Variants in MED13L observed in about 807,000 individuals in gnomAD.
MED13L encodes the protein mediator of RNA polymerase II transcription subunit 13-like.
MED13L carries 7 observed loss-of-function variants against 220.9 expected under a neutral mutation model. The observed-to-expected ratio is 0.03, with a 90% CI of 0.02 to 0.06. The LOEUF is 0.06. MED13L is among the 10% of genes least tolerant of loss of function. MED13L has a pLI of 1.00. For missense variants in MED13L, 1,965 were observed against 2,760.5 expected (o/e 0.71, Z 6.46); for synonymous variants, 1,011 against 1,015.2 (o/e 1.00, Z 0.08).
At chr12:116,042,066 T>C (rs1420295848) in intron 4 of MED13L, among the ~76,000 whole-genome samples, 1 of 152,212 alleles carries the variant, frequency 6.6e-6, no homozygotes, top group Non-Finnish European at 1.5e-5. Flanking sequence ...GTTAGAATAG[T>C]AATTGCCCTC....
In MED13L at chr12:116,124,140, G is replaced by GAGAGAGAC. The variant is rs1555213734; in HGVS notation, c.311-12629_311-12628insGTCTCTCT. 2.7e-5 allele frequency among the ~76,000 whole-genome samples: 4 copies of GAGAGAGAC among 148,866 alleles called. 1 individual carries two copies. Among genetic ancestry groups the GAGAGAGAC allele is most frequent in the Non-Finnish European group, 5.9e-5 (4 of 67,338 alleles). On this transcript the variant is annotated intron_variant, in intron 2 of 30. Transcript: ENST00000281928. ...GAGAAAGACGAGAGAGAGAGAGAGA[G>GAGAGAGAC]AGAGAGAGAGACAGAGACAGAGAGA...
intron 1 of MED13L, among the ~76,000 whole-genome samples, chr12:116,262,415 TAACA>T (rs1237095028): frequency 6.6e-6 from 1 of 152,216 alleles, no homozygotes; most frequent in African/African-American, 2.4e-5. Context: ...AAATGGGTGT[TAACA>T]TATATAACTA....
chr12:116,224,340 T>C (rs1279731946), intron 2 of MED13L, among the ~76,000 whole-genome samples: 2 of 152,206 alleles, frequency 1.3e-5, no homozygotes, highest in East Asian at 3.8e-4. Context: ...TGTCCTGACA[T>C]AGCCATGTAT....
intron 11 of MED13L, chr12:116,006,906 C>T (rs1189626555): frequency 9.5e-6 from 2 of 211,002 alleles, no homozygotes; most frequent in African/African-American, 4.7e-5. Context: ...AGACAGCAGA[C>T]ACAACCAGTA....
At chr12:116,069,101 C>A (rs1321199114) in intron 4 of MED13L, among the ~76,000 whole-genome samples, 1 of 152,116 alleles carries the variant, frequency 6.6e-6, no homozygotes, top group Non-Finnish European at 1.5e-5. Flanking sequence ...CCACAACAGA[C>A]CATAAAAGCA....
chr12:116,041,713 T>C (rs1881542816), intron 4 of MED13L, among the ~76,000 whole-genome samples: 2 of 152,170 alleles, frequency 1.3e-5, no homozygotes, highest in African/African-American at 4.8e-5. Flanking sequence ...CAAGAACCTG[T>C]AGTCCCAGCT....
At chr12:116,108,403 G>A (rs1290029917) in intron 3 of MED13L, among the ~76,000 whole-genome samples, 1 of 87,834 alleles carries the variant, frequency 1.1e-5, no homozygotes, top group Non-Finnish European at 2.4e-5. Flanking sequence ...GGGGGGGGGC[G>A]CGTGGGGGGT....
chr12:115,976,333 T>C (rs147555799), intron 23 of MED13L, among the ~76,000 whole-genome samples: 56 of 152,202 alleles, frequency 3.7e-4, no homozygotes, highest in African/African-American at 1.3e-3. Context: ...TAAACAGCAA[T>C]GAGAATGAAA....
chr12:116,157,187 T>C (rs374987801), intron 2 of MED13L, among the ~76,000 whole-genome samples: 4 of 152,322 alleles, frequency 2.6e-5, no homozygotes, highest in African/African-American at 9.6e-5. Flanking sequence ...TTCCCTTCAT[T>C]AACCACCCTG....
chr12:116,269,799 T>C (rs1873135772), intron 1 of MED13L, among the ~76,000 whole-genome samples: 1 of 152,186 alleles, frequency 6.6e-6, no homozygotes, highest in South Asian at 2.1e-4. Flanking sequence ...AATTAGATTC[T>C]ACACCACAAT....
Position 116,007,550 on chromosome 12 carries a change from G to C in MED13L, c.2099C>G (p.Pro700Arg), listed in dbSNP as rs377211068. Residue 700 changes from proline (P) to arginine (R), a missense_variant, in exon 11 of 31, where the codon CCT becomes CGT. By Grantham distance (103) the Pro-to-Arg change is moderately radical. Coordinates refer to ENST00000281928, the MANE Select transcript of MED13L (RefSeq NM_015335.5). ...LQPLHFLDPL[P>R]LSQQPGDSLG... ...ACTGTCTCCAGGTTGTTGTGATAGA[G>C]GCAATGGGTCAAGGAAGTGGAGTGG... is the stretch of plus-strand genomic sequence containing the variant. The C allele has an allele frequency of 1.2e-5, 19 of 1,613,140 alleles. No individual in the cohort carries two copies. In the African/African-American group the frequency reaches 2.3e-4, roughly 19 times the overall value.
chr12:115,991,697 G>T lies in MED13L; in HGVS notation c.3257C>A (p.Pro1086His), dbSNP rs765954704. 3 of 1,613,820 alleles carry T rather than the reference G, an allele frequency of 1.9e-6. No homozygotes were observed. Among genetic ancestry groups the T allele is most frequent in the African/African-American group, 1.3e-5 (1 of 74,862 alleles). Residue 1086 changes from proline to histidine, a missense_variant, in exon 17 of 31, where the codon CCC becomes CAC. This residue lies in a region of MED13L where 233 missense variants were observed against 306.2 expected (regional missense o/e 0.76). Coordinates refer to ENST00000281928, the MANE Select transcript of MED13L (RefSeq NM_015335.5). The surrounding 1 kb of genome is among the most constrained non-coding windows in gnomAD (Gnocchi z 7.7). ...AGAGTTGAGGGGCCGTGTAGTAGAGGGGGTGGAGGCTGGTGATCCTTGATC... is the reference window on the plus strand; with the variant it reads ...AGAGTTGAGGGGCCGTGTAGTAGAGTGGGTGGAGGCTGGTGATCCTTGATC... ...STDQGSPAST[P>H]STTRPLNSVE...
chr12:116,126,407 C>T (rs1593074018), intron 2 of MED13L, among the ~76,000 whole-genome samples: 1 of 152,254 alleles, frequency 6.6e-6, no homozygotes, highest in East Asian at 1.9e-4. Context: ...GCTCCCATAA[C>T]ACAAGGTGCA....
At chr12:116,168,101 C>T (rs74901764) in intron 2 of MED13L, among the ~76,000 whole-genome samples, 3,039 of 152,228 alleles carry the variant, frequency 0.02, 54 homozygotes, top group Non-Finnish European at 0.031. Flanking sequence ...CCATCACCTA[C>T]TGAACCAATC....
chr12:116,144,459 T>C (rs1877320457), intron 2 of MED13L, among the ~76,000 whole-genome samples: 1 of 152,092 alleles, frequency 6.6e-6, no homozygotes, highest in Admixed American at 6.6e-5. Flanking sequence ...ATCTATTTCC[T>C]CACAAAAAAA....
At chr12:116,022,051 G>C (rs966313479) in intron 5 of MED13L, among the ~76,000 whole-genome samples, 1 of 152,062 alleles carries the variant, frequency 6.6e-6, no homozygotes, top group African/African-American at 2.4e-5. Flanking sequence ...CAAATACTAA[G>C]TATTTGGTTT....
intron 2 of MED13L, among the ~76,000 whole-genome samples, chr12:116,216,909 C>G (rs559500442): frequency 1.3e-5 from 2 of 152,112 alleles, no homozygotes; most frequent in Non-Finnish European, 2.9e-5. Context: ...CAAAAATACC[C>G]GACAGTAATA....
intron 14 of MED13L, 23 bp downstream of exon 14, chr12:116,002,980 C>A: frequency 6.3e-7 from 1 of 1,576,716 alleles, no homozygotes; most frequent in Non-Finnish European, 8.7e-7. Flanking sequence ...GCCACAATGG[C>A]TCAGTCAAGT....
chr12:116,151,060 G>A (rs1877998443), intron 2 of MED13L, among the ~76,000 whole-genome samples: 1 of 151,772 alleles, frequency 6.6e-6, no homozygotes, highest in Non-Finnish European at 1.5e-5. Flanking sequence ...ACATCTTATT[G>A]TTAAAAAATG....
Sources: allele counts gnomAD v4.1 joint callset (sites outside exome capture counted in the v4.1 genomes callset), GRCh38; gene constraint gnomAD v4.1.1; regional missense constraint gnomAD v4.1.1; non-coding constraint Gnocchi (gnomAD v3.1); transcripts MANE v1.5; gene names NCBI Gene and HGNC (gene_info 2026-07-23, HGNC 2026-07-21).